The following TLCD4 variants were observed in gnomAD, a reference collection of about 807,000 sequenced individuals.
TLCD4 encodes TLC domain-containing protein 4.
A neutral mutation model predicts 24.2 loss-of-function variants in TLCD4; 7 were observed. The ratio of observed to expected loss-of-function variants is 0.29; its 90% CI spans 0.16 to 0.54. The LOEUF is 0.54. Among genes scored for constraint, TLCD4 ranks in the 20% least tolerant of loss-of-function variants. The pLI, the probability that TLCD4 is intolerant of heterozygous loss-of-function variation, is 0.95. For missense variants in TLCD4, 259 were observed against 313.9 expected (o/e 0.82, Z 1.32); for synonymous variants, 103 against 106.4 (o/e 0.97, Z 0.20).
At chr1:95,108,902 C>T in the TLCD4 span, among the ~76,000 whole-genome samples, 2 of 152,240 alleles carry the variant, frequency 1.3e-5, no homozygotes, top group East Asian at 3.9e-4. Flanking sequence ...GAAGGTTATT[C>T]CTTCCTCACT....
At chr1:95,151,767 G>A (rs549870089) in intron 5 of TLCD4, among the ~76,000 whole-genome samples, 14 of 152,152 alleles carry the variant, frequency 9.2e-5, no homozygotes, top group Non-Finnish European at 1.5e-4. Flanking sequence ...ATGAGCCAGC[G>A]AAAATATTTC....
intron 6 of TLCD4, among the ~76,000 whole-genome samples, chr1:95,181,580 A>ATTTATTTAT (rs1553172742): frequency 0.046 from 6,686 of 145,898 alleles, 190 homozygotes; most frequent in Admixed American, 0.065. Context: ...AATTTGTTTA[A>ATTTATTTAT]TTATTTATTT....
rs1002174766 is a variant in TLCD4, at chr1:95,194,805, G to T, written c.*2937G>T. ...TTATGAGCTATAACTTATAAAGTTTGCCTTCTTATGTCTAAAATCTTTTAA... is the reference window on the plus strand; with the variant it reads ...TTATGAGCTATAACTTATAAAGTTTTCCTTCTTATGTCTAAAATCTTTTAA... On this transcript the variant is annotated 3_prime_UTR_variant, in exon 7 of 7. Transcript: ENST00000370203. The T allele has an allele frequency of 6.6e-6, 1 of 152,020 alleles. No individual in the cohort carries two copies. Among genetic ancestry groups the T allele is most frequent in the Non-Finnish European group, 1.5e-5 (1 of 67,966 alleles). 9.4% of individuals were successfully genotyped at this position (152,020 alleles called of 1,614,324 possible). A position where few individuals can be genotyped will look rare whatever the true frequency, so the allele number is the denominator to read the frequency against.
the TLCD4 span, among the ~76,000 whole-genome samples, chr1:95,109,611 C>T: frequency 3.3e-5 from 5 of 151,728 alleles, no homozygotes; most frequent in South Asian, 8.3e-4. Context: ...CCTCAGCCTC[C>T]CAAGTAGGTG....
intron 2 of TLCD4, 59 bp from the exon 3 acceptor site, chr1:95,148,643 A>G (rs917907872): frequency 3.1e-6 from 5 of 1,605,044 alleles, no homozygotes; most frequent in African/African-American, 2.7e-5. Context: ...GTGTCTTGTC[A>G]GGATTAAATT....
chr1:95,111,392 C>T, the TLCD4 span, among the ~76,000 whole-genome samples: 2 of 151,754 alleles, frequency 1.3e-5, no homozygotes, highest in African/African-American at 2.4e-5. Context: ...GTTCTGGATC[C>T]CTTTCTGTTA....
At chr1:95,173,730 T>C (rs1019591359) in intron 5 of TLCD4, 86 bp from the exon 6 acceptor site, 1 of 1,563,920 alleles carries the variant, frequency 6.4e-7, no homozygotes, top group Admixed American at 1.7e-5. Context: ...TATATTATGC[T>C]GAGAAGCTAT....
At chr1:95,109,731 C>T in the TLCD4 span, among the ~76,000 whole-genome samples, 8 of 151,696 alleles carry the variant, frequency 5.3e-5, no homozygotes, top group Non-Finnish European at 2.9e-5. Flanking sequence ...TCAAGTGATT[C>T]ACCTGCCTCA....
chr1:95,140,920 G>A (rs1251926264), intron 1 of TLCD4, among the ~76,000 whole-genome samples: 2 of 152,190 alleles, frequency 1.3e-5, no homozygotes, highest in Non-Finnish European at 2.9e-5. Flanking sequence ...CCTACCAGAA[G>A]CCTTGGTTTT....
At chr1:95,139,454 G>GTTTT (rs1557681913) in intron 1 of TLCD4, among the ~76,000 whole-genome samples, 2 of 57,476 alleles carry the variant, frequency 3.5e-5, no homozygotes, top group Non-Finnish European at 7.6e-5. Flanking sequence ...TTAAACCTTT[G>GTTTT]ATTTTTTTTT....
chr1:95,143,318 T>G (rs1294444202), intron 1 of TLCD4, among the ~76,000 whole-genome samples: 1 of 152,176 alleles, frequency 6.6e-6, no homozygotes, highest in Non-Finnish European at 1.5e-5. Flanking sequence ...GCCTCAACAG[T>G]GCAATGGCTC....
intron 5 of TLCD4, among the ~76,000 whole-genome samples, chr1:95,159,410 C>T (rs1354537362): frequency 1.3e-5 from 2 of 151,992 alleles, no homozygotes; most frequent in African/African-American, 4.8e-5. Flanking sequence ...GGATATTAGC[C>T]CTTTGTCAGA....
At chr1:95,110,088 G>T in the TLCD4 span, among the ~76,000 whole-genome samples, 1 of 149,470 alleles carries the variant, frequency 6.7e-6, no homozygotes, top group Non-Finnish European at 1.5e-5. Flanking sequence ...ATATACATAT[G>T]TATACCAAAA....
intron 1 of TLCD4, among the ~76,000 whole-genome samples, chr1:95,121,627 C>T (rs1235523983): frequency 6.6e-6 from 1 of 152,162 alleles, no homozygotes. Flanking sequence ...CCCGCCACCA[C>T]CCCGGGCTAA....
chr1:95,111,992 A>G, the TLCD4 span, among the ~76,000 whole-genome samples: 1 of 152,208 alleles, frequency 6.6e-6, no homozygotes, highest in African/African-American at 2.4e-5. Flanking sequence ...TCGGTGGAAG[A>G]TAAGGTTAAG....
the TLCD4 span, among the ~76,000 whole-genome samples, chr1:95,104,592 G>T: frequency 2.7e-5 from 4 of 146,912 alleles, no homozygotes; most frequent in Admixed American, 2.8e-4. Context: ...ATGAACTCCG[G>T]GGGGCGGAGC....
At position 95,143,961 on chromosome 1, in the gene TLCD4, GCTT is replaced by G; in HGVS notation, c.64_66del (p.Leu22del). ...CCTGTATCAGCTTTTTCACCTTTCA[GCTT>G]CTTTTCTACTTTGTAAGTTACTGGT... is the stretch of plus-strand genomic sequence containing the variant. On this transcript the variant is annotated inframe_deletion, in exon 2 of 7. Transcript: ENST00000370203. 6.4e-7 allele frequency: 1 copy of G among 1,573,140 alleles called. No homozygotes were observed. Among genetic ancestry groups the G allele is most frequent in the Non-Finnish European group, 8.6e-7 (1 of 1,160,844 alleles).
chr1:95,112,813 A>T (rs1390762069), upstream of TLCD4, among the ~76,000 whole-genome samples: 1 of 152,214 alleles, frequency 6.6e-6, no homozygotes, highest in Admixed American at 6.5e-5. Flanking sequence ...GATATTATTG[A>T]TGGGCATTTG....
chr1:95,150,967 T>C (rs1403504678), intron 4 of TLCD4, among the ~76,000 whole-genome samples: 1 of 152,186 alleles, frequency 6.6e-6, no homozygotes, highest in Non-Finnish European at 1.5e-5. Context: ...AATATTATAT[T>C]ACATATGATT....
Sources: allele counts gnomAD v4.1 joint callset (sites outside exome capture counted in the v4.1 genomes callset), GRCh38; gene constraint gnomAD v4.1.1; transcripts MANE v1.5; gene names NCBI Gene and HGNC (gene_info 2026-07-23, HGNC 2026-07-21).